HDGFL2: variants seen among roughly 807,000 people sequenced by gnomAD.
HDGFL2 encodes the protein HDGF like 2, also known as hepatoma-derived growth factor-related protein 2.
HDGFL2 carries 36 observed loss-of-function variants against 77.1 expected under a neutral mutation model. The ratio of observed to expected loss-of-function variants is 0.47; its 90% CI spans 0.36 to 0.62. HDGFL2 has a LOEUF of 0.62. Ranked by LOEUF, HDGFL2 falls within the 20% of genes least tolerant of loss-of-function variation. The pLI is 0.00. For synonymous variants in HDGFL2, 463 were observed against 413.1 expected (o/e 1.12, Z -1.46); for missense variants, 976 against 973.4 (o/e 1.00, Z -0.04).
chr19:4,493,747 C>T lies in HDGFL2; in HGVS notation c.723C>T (p.Asp241=), dbSNP rs1163145244. Residue 241 remains aspartate, a synonymous_variant, in exon 7 of 16, where the codon GAC becomes GAT. Transcript: ENST00000616600. ...ACTCCGACTCCAAGGCCGATTCGGA[C>T]GGGGCCAAGCCTGAGCCGGTGGCCA... ...ASDSDSKADS[D]GAKPEPVAMA... The T allele has an allele frequency of 5.9e-6, 9 of 1,527,302 alleles. No individual in the cohort carries two copies. The highest frequency in any genetic ancestry group is 7.1e-6 in the Non-Finnish European group (8 of 1,131,922). 94.6% of individuals were successfully genotyped at this position (1,527,302 alleles called of 1,614,324 possible). A position where few individuals can be genotyped will look rare whatever the true frequency, so the allele number is the denominator to read the frequency against.
chr19:4,483,374 G>C (rs1975272434), intron 3 of HDGFL2, among the ~76,000 whole-genome samples: 6 of 152,206 alleles, frequency 3.9e-5, no homozygotes, highest in Admixed American at 3.9e-4. Flanking sequence ...ACCAGGCTAA[G>C]CCTGGAGGGA....
intron 8 of HDGFL2, 46 bp downstream of exon 8, chr19:4,494,103 T>C (rs762199122): frequency 6.5e-7 from 1 of 1,526,944 alleles, no homozygotes; most frequent in Non-Finnish European, 8.8e-7. Context: ...CTCCATCGGC[T>C]GAGGGGCAGG....
rs1287069319 is a variant in HDGFL2, at chr19:4,496,334, A to C, written c.1257A>C (p.Ser419=). The part of the protein sequence containing the change: ...AKKSAKKPQS[S]STEPARKPGQ... ...AATCAGCGAAGAAGCCGCAGTCCTC[A>C]AGCACAGAGCCCGCCAGGAAACCTG... The change falls in exon 10 of 16, where the codon TCA becomes TCC. Residue 419 remains serine, a synonymous_variant. Coordinates refer to ENST00000616600, the MANE Select transcript of HDGFL2 (RefSeq NM_001001520.3). 6.2e-7 allele frequency: 1 copy of C among 1,614,150 alleles called. No individual in the cohort carries two copies. Among genetic ancestry groups the C allele is most frequent in the Admixed American group, 1.7e-5 (1 of 60,026 alleles).
chr19:4,476,644 G>A (rs926752039), intron 3 of HDGFL2, among the ~76,000 whole-genome samples: 3 of 148,792 alleles, frequency 2.0e-5, no homozygotes, highest in Non-Finnish European at 3.0e-5. Context: ...GTAGATGTGA[G>A]CGTTCTCAGT....
intron 3 of HDGFL2, among the ~76,000 whole-genome samples, chr19:4,486,937 C>T (rs965450588): frequency 2.6e-5 from 4 of 152,042 alleles, no homozygotes; most frequent in African/African-American, 7.2e-5. Flanking sequence ...GGGGCCTCCT[C>T]GATCACCCAG....
At chr19:4,490,060 C>T (rs1599713697) in intron 4 of HDGFL2, among the ~76,000 whole-genome samples, 1 of 152,182 alleles carries the variant, frequency 6.6e-6, no homozygotes, top group African/African-American at 2.4e-5. Flanking sequence ...TGCATCCGCA[C>T]TGCAGCCCGG....
At chr19:4,478,826 A>G (rs140734044) in intron 3 of HDGFL2, among the ~76,000 whole-genome samples, 12,384 of 151,692 alleles carry the variant, frequency 0.082, 559 homozygotes, top group African/African-American at 0.13. Flanking sequence ...CTGGGACTAC[A>G]GGCATGTGCC....
At position 4,491,694 on chromosome 19, in the gene HDGFL2, G is replaced by C; in HGVS notation, c.606+12G>C. The C allele has an allele frequency of 6.2e-7, 1 of 1,613,778 alleles. No individual in the cohort carries two copies. The highest frequency in any genetic ancestry group is 1.3e-5 in the African/African-American group (1 of 75,048). ...AGACCAGCGACCAGGTGGGCCAGTG[G>C]CTCCTTGGGATGGCAGGGAAGCGTG... On this transcript the variant is annotated intron_variant, in intron 5 of 15. Coordinates refer to ENST00000616600, the MANE Select transcript of HDGFL2 (RefSeq NM_001001520.3).
intron 10 of HDGFL2, chr19:4,497,226 C>G (rs1455754943): frequency 2.3e-6 from 1 of 441,758 alleles, no homozygotes; most frequent in Non-Finnish European, 4.5e-6. Context: ...GAGTCTTGGG[C>G]TTGCTCTGTG....
At position 4,480,799 on chromosome 19, in the gene HDGFL2, C is replaced by T. The variant is rs189038537; in HGVS notation, c.288+5216C>T. 1.6e-3 allele frequency among the ~76,000 whole-genome samples: 240 copies of T among 152,226 alleles called. 3 individuals are homozygous for T. Among genetic ancestry groups the T allele is most frequent in the African/African-American group, 5.7e-3 (236 of 41,562 alleles). ...GAGCCAGGCCTGGCTCTGCCCTGTG[C>T]TCACTGTGAATCTTGACCATTGACA... On this transcript the variant is annotated intron_variant, in intron 3 of 15. Coordinates refer to ENST00000616600, the MANE Select transcript of HDGFL2 (RefSeq NM_001001520.3).
At chr19:4,478,536 T>G (rs1000492512) in intron 3 of HDGFL2, among the ~76,000 whole-genome samples, 2 of 151,906 alleles carry the variant, frequency 1.3e-5, no homozygotes, top group South Asian at 4.2e-4. Flanking sequence ...GCGCAACTAC[T>G]AATGCCACCA....
Position 4,499,612 on chromosome 19 carries a change from TGGA to T in HDGFL2, c.1699_1701del (p.Glu567del). On this transcript the variant is annotated inframe_deletion, in exon 14 of 16. Transcript: ENST00000616600. ...GTGCAGAAAGTGAACAAGGCTGGGATGGAGAAGGAGAAGGCCGAGGAGAAGCTG... is the reference window on the plus strand; with the variant it reads ...GTGCAGAAAGTGAACAAGGCTGGGATGAAGGAGAAGGCCGAGGAGAAGCTG... 4 of 1,602,356 alleles carry T rather than the reference TGGA, an allele frequency of 2.5e-6. No homozygotes were observed. The highest frequency in any genetic ancestry group is 2.6e-6 in the Non-Finnish European group (3 of 1,174,752).
intron 3 of HDGFL2, among the ~76,000 whole-genome samples, chr19:4,485,992 G>A (rs1171569385): frequency 6.7e-6 from 1 of 148,180 alleles, no homozygotes; most frequent in Non-Finnish European, 1.5e-5. Context: ...AGTTGAGGCT[G>A]CAGTGAGTCG....
At chr19:4,481,965 A>G (rs1975229230) in intron 3 of HDGFL2, among the ~76,000 whole-genome samples, 2 of 150,612 alleles carry the variant, frequency 1.3e-5, no homozygotes. Flanking sequence ...CAAGACAGCT[A>G]CAGAAATGAG....
At chr19:4,474,194 A>G (rs1975012792) in intron 1 of HDGFL2, among the ~76,000 whole-genome samples, 2 of 151,972 alleles carry the variant, frequency 1.3e-5, no homozygotes, top group South Asian at 4.1e-4. Context: ...CTGGGGGTGG[A>G]AGGCTGGGGC....
At chr19:4,472,451 G>T (rs758670963) in intron 1 of HDGFL2, 29 bp downstream of exon 1, 3 of 142,470 alleles carry the variant, frequency 2.1e-5, no homozygotes, top group Non-Finnish European at 2.7e-5. Context: ...TGGGGCCGGT[G>T]GGGGGGGGGG....
At chr19:4,485,933 GTT>G (rs1342710727) in intron 3 of HDGFL2, among the ~76,000 whole-genome samples, 2 of 148,184 alleles carry the variant, frequency 1.3e-5, no homozygotes, top group African/African-American at 5.0e-5. Context: ...CAAACCTGTA[GTT>G]TCAGCTGCTC....
chr19:4,486,532 A>AG (rs1975367029), intron 3 of HDGFL2: 1 of 151,916 alleles, frequency 6.6e-6, no homozygotes, highest in African/African-American at 2.4e-5. Context: ...TCTCAAAAAA[A>AG]AAAAAAAAGG....
intron 3 of HDGFL2, among the ~76,000 whole-genome samples, chr19:4,476,944 G>A (rs1396119472): frequency 1.3e-5 from 2 of 151,934 alleles, no homozygotes; most frequent in Non-Finnish European, 2.9e-5. Flanking sequence ...TGAATTTGGC[G>A]GGGAGGCCCA....
Sources: gnomAD v4.1 joint callset for allele counts (sites outside exome capture counted in the v4.1 genomes callset) on GRCh38, gnomAD v4.1.1 for gene constraint, MANE v1.5 for transcripts, NCBI Gene and HGNC (gene_info 2026-07-23, HGNC 2026-07-21) for gene names.